The following GOSR1 variants were observed in gnomAD, a reference collection of about 807,000 sequenced individuals.
GOSR1 encodes 28 kDa Golgi SNARE protein.
A neutral mutation model predicts 35.5 loss-of-function variants in GOSR1; 21 were observed. The ratio of observed to expected loss-of-function variants is 0.59; its 90% CI spans 0.42 to 0.85. The LOEUF (loss-of-function observed/expected upper bound fraction) is 0.85, where lower values mean the gene tolerates loss of function less well. Ranked by LOEUF, GOSR1 falls within the 40% of genes least tolerant of loss-of-function variation. GOSR1 has a pLI of 0.00. For missense variants in GOSR1, 285 were observed against 309.6 expected (o/e 0.92, Z 0.60); for synonymous variants, 94 against 106.6 (o/e 0.88, Z 0.73).
intron 6 of GOSR1, 25 bp downstream of exon 6, chr17:30,492,778 A>G (rs563680574): frequency 2.1e-5 from 29 of 1,362,594 alleles, no homozygotes; most frequent in Middle Eastern, 3.6e-4. Context: ...TATGTGCATT[A>G]TGTGGTTTTC....
At chr17:30,504,499 A>T (rs769160619) in intron 6 of GOSR1, among the ~76,000 whole-genome samples, 2 of 152,188 alleles carry the variant, frequency 1.3e-5, no homozygotes, top group Non-Finnish European at 2.9e-5. Context: ...TGAAAATCCA[A>T]TTTTGTGCAA....
At chr17:30,498,944 G>A (rs534866344) in intron 6 of GOSR1, among the ~76,000 whole-genome samples, 23 of 152,186 alleles carry the variant, frequency 1.5e-4, no homozygotes, top group African/African-American at 4.6e-4. Context: ...TCTTTTAACC[G>A]CCACCACAGT....
At chr17:30,483,113 A>G (rs1365655424) in intron 2 of GOSR1, 3 of 150,472 alleles carry the variant, frequency 2.0e-5, no homozygotes, top group Non-Finnish European at 3.0e-5. Context: ...TATTTATTCC[A>G]GGCATCTTTC....
chr17:30,517,027 T>C (rs1967845189), intron 7 of GOSR1, among the ~76,000 whole-genome samples: 1 of 152,228 alleles, frequency 6.6e-6, no homozygotes, highest in South Asian at 2.1e-4. Flanking sequence ...AACTCATTTT[T>C]TTAAATACCC....
chr17:30,523,448 C>A lies in GOSR1; in HGVS notation c.*1070C>A. The stretch of plus-strand genomic sequence containing the variant: ...CGCCCTGTCTGAGAAGTGAGGAGCC[C>A]CTCCGCCCGGCAGCCACCCCATCTG... On this transcript the variant is annotated 3_prime_UTR_variant, in exon 9 of 9. Transcript: ENST00000451249. 6.1e-6 allele frequency: 1 copy of A among 162,642 alleles called. No individual in the cohort carries two copies. The highest frequency in any genetic ancestry group is 1.3e-5 in the Non-Finnish European group (1 of 77,906). 10.1% of individuals were successfully genotyped at this position (162,642 alleles called of 1,614,324 possible).
intron 5 of GOSR1, among the ~76,000 whole-genome samples, chr17:30,490,906 G>A (rs758325601): frequency 1.1e-4 from 16 of 152,124 alleles, no homozygotes; most frequent in Non-Finnish European, 1.9e-4. Context: ...TGAAGCTGAA[G>A]ATGTTCCAAT....
At chr17:30,510,258 G>C (rs1253498894) in intron 6 of GOSR1, among the ~76,000 whole-genome samples, 2 of 152,138 alleles carry the variant, frequency 1.3e-5, no homozygotes, top group Admixed American at 1.3e-4. Context: ...ATTTTTGGTA[G>C]AGACAGAGTT....
chr17:30,501,082 G>A (rs1488757524), intron 6 of GOSR1, among the ~76,000 whole-genome samples: 4 of 151,790 alleles, frequency 2.6e-5, no homozygotes, highest in South Asian at 4.2e-4. Context: ...GGGTTTCACC[G>A]TTTTAGCCGG....
At chr17:30,477,775 A>T in intron 1 of GOSR1, 1 of 985,264 alleles carries the variant, frequency 1.0e-6, no homozygotes, top group South Asian at 4.7e-5. Flanking sequence ...TGGAACTCGG[A>T]CGAAGGGGCT....
intron 6 of GOSR1, among the ~76,000 whole-genome samples, chr17:30,498,610 T>C (rs1423540041): frequency 6.6e-6 from 1 of 152,188 alleles, no homozygotes; most frequent in Non-Finnish European, 1.5e-5. Context: ...AAGTTGAAAC[T>C]CAGACCTCAT....
chr17:30,499,063 A>G (rs1967104756), intron 6 of GOSR1, among the ~76,000 whole-genome samples: 1 of 152,170 alleles, frequency 6.6e-6, no homozygotes, highest in Non-Finnish European at 1.5e-5. Flanking sequence ...ATCACTATAG[A>G]TTAGTTTTAC....
chr17:30,501,081 C>T (rs1264861632), intron 6 of GOSR1, among the ~76,000 whole-genome samples: 7 of 151,986 alleles, frequency 4.6e-5, no homozygotes, highest in East Asian at 1.9e-4. Context: ...GGGGTTTCAC[C>T]GTTTTAGCCG....
chr17:30,514,752 T>C (rs1967737065), intron 7 of GOSR1, among the ~76,000 whole-genome samples: 1 of 152,340 alleles, frequency 6.6e-6, no homozygotes, highest in Non-Finnish European at 1.5e-5. Context: ...GTGTTGGGCC[T>C]TCTGAATTGA....
Position 30,526,896 on chromosome 17 carries a change from A to T in GOSR1, c.*4518A>T, listed in dbSNP as rs17605796. 3,000 of 152,376 alleles carry T rather than the reference A, an allele frequency of 0.02. 45 individuals carry two copies. Among genetic ancestry groups the T allele is most frequent in the Non-Finnish European group, 0.03 (2,031 of 68,030 alleles). The allele number at this position is 152,376 out of a possible 1,614,324, so 9.4% of individuals were successfully genotyped here. On this transcript the variant is annotated 3_prime_UTR_variant, in exon 9 of 9. Coordinates refer to ENST00000451249, the MANE Select transcript of GOSR1 (RefSeq NM_001007025.2). ...AGATTATGGTATCTCTGGTGTTGAT[A>T]AGTGTTTCTCATGATGTCCTGAAAC...
intron 8 of GOSR1, among the ~76,000 whole-genome samples, chr17:30,521,017 T>C (rs1052488847): frequency 6.6e-6 from 1 of 152,172 alleles, no homozygotes; most frequent in African/African-American, 2.4e-5. Context: ...AGTGAAACTT[T>C]TGAAACTTTG....
intron 4 of GOSR1, among the ~76,000 whole-genome samples, chr17:30,488,837 C>T (rs1159320729): frequency 2.0e-5 from 3 of 152,114 alleles, no homozygotes; most frequent in Non-Finnish European, 4.4e-5. Context: ...CCTGCCTAGT[C>T]TTGCAGTATT....
At chr17:30,508,340 A>G (rs1967483241) in intron 6 of GOSR1, among the ~76,000 whole-genome samples, 1 of 152,224 alleles carries the variant, frequency 6.6e-6, no homozygotes, top group Non-Finnish European at 1.5e-5. Flanking sequence ...TGTTCATATT[A>G]TACTTCCTAG....
In GOSR1 at chr17:30,481,208, C is replaced by G. The variant is rs1914325389; in HGVS notation, c.97C>G (p.Leu33Val). The G allele has an allele frequency of 1.2e-6, 2 of 1,604,642 alleles. No individual in the cohort carries two copies. Among genetic ancestry groups the G allele is most frequent in the Non-Finnish European group, 1.7e-6 (2 of 1,171,346 alleles). The change falls in exon 2 of 9, where the codon CTA becomes GTA. Residue 33 changes from leucine (L) to valine (V), a missense_variant. By Grantham distance (32) the Leu-to-Val change is conservative (BLOSUM62 1). Transcript: ENST00000451249. Reference sequence around the variant, plus strand: ...CCTGAAACTAGTTTCCTTCAGCAAACTATGTACAAGTTACAGTCATAGCAG... The same window carrying G: ...CCTGAAACTAGTTTCCTTCAGCAAAGTATGTACAAGTTACAGTCATAGCAG... The part of the protein sequence containing the change: ...LDLKLVSFSK[L>V]CTSYSHSSTR...
At chr17:30,512,308 T>C (rs1967644324) in intron 7 of GOSR1, among the ~76,000 whole-genome samples, 1 of 152,236 alleles carries the variant, frequency 6.6e-6, no homozygotes, top group Non-Finnish European at 1.5e-5. Flanking sequence ...ATGGTAGCTA[T>C]ATTATTAATA....
Sources: allele counts gnomAD v4.1 joint callset (sites outside exome capture counted in the v4.1 genomes callset), GRCh38; gene constraint gnomAD v4.1.1; transcripts MANE v1.5; gene names NCBI Gene and HGNC (gene_info 2026-07-23, HGNC 2026-07-21).